ZBTB7C: variants seen among roughly 807,000 people sequenced by gnomAD.
The protein encoded by ZBTB7C is zinc finger and BTB domain-containing protein 7C.
ZBTB7C carries 8 observed loss-of-function variants against 25.7 expected under a neutral mutation model. That is an observed-to-expected ratio of 0.31 (90% CI 0.18 to 0.56). ZBTB7C has a LOEUF of 0.56. Ranked by LOEUF, ZBTB7C falls within the 20% of genes least tolerant of loss-of-function variation. The probability of loss-of-function intolerance (pLI) is 0.91; values close to 1 mark genes in which losing one functional copy is unlikely to be tolerated. For synonymous variants in ZBTB7C, 394 were observed against 369.0 expected (o/e 1.07, Z -0.78); for missense variants, 824 against 855.2 (o/e 0.96, Z 0.46).
chr18:48,061,591 A>T (rs1446585483), intron 3 of ZBTB7C, among the ~76,000 whole-genome samples: 1 of 152,238 alleles, frequency 6.6e-6, no homozygotes, highest in Non-Finnish European at 1.5e-5. Flanking sequence ...TTTCAAATGC[A>T]GACGGGATTG....
intron 2 of ZBTB7C, among the ~76,000 whole-genome samples, chr18:48,325,827 C>T (rs1304802447): frequency 6.6e-6 from 1 of 152,118 alleles, no homozygotes; most frequent in Non-Finnish European, 1.5e-5. Context: ...CTTAGTTCAC[C>T]AGCAACAGAT....
At chr18:48,202,879 C>T (rs2042488685) in intron 2 of ZBTB7C, among the ~76,000 whole-genome samples, 1 of 150,214 alleles carries the variant, frequency 6.7e-6, no homozygotes, top group African/African-American at 2.4e-5. Context: ...AGGAAGGGCT[C>T]AGGAGTTGGG....
intron 3 of ZBTB7C, among the ~76,000 whole-genome samples, chr18:48,085,356 C>A (rs1409259417): frequency 1.3e-5 from 2 of 152,160 alleles, no homozygotes; most frequent in Non-Finnish European, 1.5e-5. Flanking sequence ...CATTACCTCT[C>A]CCCCAGGAGA....
At chr18:48,188,489 G>A (rs78145165) in intron 2 of ZBTB7C, among the ~76,000 whole-genome samples, 11,531 of 152,198 alleles carry the variant, frequency 0.076, 693 homozygotes, top group Admixed American at 0.2. Flanking sequence ...ATCTCCCACT[G>A]GGTCCCTCCC....
chr18:48,174,492 T>C (rs2041604433), intron 3 of ZBTB7C, among the ~76,000 whole-genome samples: 1 of 152,212 alleles, frequency 6.6e-6, no homozygotes. Context: ...CACAACCCCA[T>C]GGAGGGGAAT....
chr18:48,029,436 C>T lies in ZBTB7C; in HGVS notation c.1684G>A (p.Ala562Thr), dbSNP rs549734487. The T allele has an allele frequency of 1.6e-5, 25 of 1,591,732 alleles. No homozygotes were observed. In the East Asian group the frequency reaches 3.9e-4, roughly 25 times the overall value. Residue 562 changes from alanine to threonine, a missense_variant, in exon 5 of 5, where the codon GCG (alanine) becomes ACG (threonine). Ala to Thr is a moderately conservative substitution (Grantham distance 58). Coordinates refer to ENST00000590800, the MANE Select transcript of ZBTB7C (RefSeq NM_001318841.2). ...EETQMKLFGR[A>T]QLEAERNAGG... ...GCGTTCCTCTCAGCCTCCAGCTGCG[C>T]GCGCCCGAACAGCTTCATCTGTGTC...
chr18:48,112,842 G>T (rs73956494), intron 3 of ZBTB7C, among the ~76,000 whole-genome samples: 12,029 of 152,192 alleles, frequency 0.079, 1,418 homozygotes, highest in African/African-American at 0.26. Flanking sequence ...GTGGGATTAC[G>T]TCCCTCTCTT....
At chr18:48,167,599 C>CGTGTGT (rs1259420820) in intron 3 of ZBTB7C, among the ~76,000 whole-genome samples, 1 of 92,692 alleles carries the variant, frequency 1.1e-5, no homozygotes, top group Non-Finnish European at 2.7e-5. Context: ...TGTGTGTGTG[C>CGTGTGT]GCGCGTGCAC....
chr18:48,037,017 T>C (rs1056372499), intron 4 of ZBTB7C, among the ~76,000 whole-genome samples: 4 of 151,432 alleles, frequency 2.6e-5, no homozygotes, highest in Admixed American at 2.0e-4. Context: ...GAGTGGGGAG[T>C]GTCCCACAAG....
At chr18:48,143,794 G>A (rs909514949) in intron 3 of ZBTB7C, among the ~76,000 whole-genome samples, 1 of 152,156 alleles carries the variant, frequency 6.6e-6, no homozygotes, top group Non-Finnish European at 1.5e-5. Context: ...TCAGTTCAGC[G>A]AGGATCCCCC....
At chr18:48,093,215 G>A (rs2038484875) in intron 3 of ZBTB7C, among the ~76,000 whole-genome samples, 1 of 152,352 alleles carries the variant, frequency 6.6e-6, no homozygotes, top group Non-Finnish European at 1.5e-5. Flanking sequence ...AGCCGTGGTG[G>A]AGATGCCACC....
At chr18:48,193,898 C>T (rs1599075309) in intron 2 of ZBTB7C, among the ~76,000 whole-genome samples, 1 of 152,222 alleles carries the variant, frequency 6.6e-6, no homozygotes, top group East Asian at 1.9e-4. Flanking sequence ...TCCCTGCCAC[C>T]TAGCCAGCAG....
intron 1 of ZBTB7C, among the ~76,000 whole-genome samples, chr18:48,367,373 A>ATATATATATAT (rs757386700): frequency 0.023 from 2,209 of 96,030 alleles, 72 homozygotes; most frequent in African/African-American, 0.06. Context: ...TATATATATA[A>ATATATATATAT]AATACAAACA....
At chr18:48,355,738 G>T (rs2046963736) in intron 1 of ZBTB7C, among the ~76,000 whole-genome samples, 1 of 152,328 alleles carries the variant, frequency 6.6e-6, no homozygotes, top group East Asian at 1.9e-4. Context: ...AGTCTCCCGT[G>T]CACCCCTGCA....
intron 3 of ZBTB7C, among the ~76,000 whole-genome samples, chr18:48,165,854 A>G (rs535168138): frequency 1.3e-5 from 2 of 152,326 alleles, no homozygotes; most frequent in Admixed American, 1.3e-4. Context: ...AGATGAGGAA[A>G]CTTGGGTAAA....
At chr18:48,187,074 T>C (rs1292705507) in intron 2 of ZBTB7C, among the ~76,000 whole-genome samples, 1 of 152,206 alleles carries the variant, frequency 6.6e-6, no homozygotes, top group Admixed American at 6.5e-5. Context: ...CAGAGGATAC[T>C]GTGCAGCTCT....
chr18:48,287,299 C>T (rs2045085840), intron 2 of ZBTB7C, among the ~76,000 whole-genome samples: 1 of 152,068 alleles, frequency 6.6e-6, no homozygotes, highest in African/African-American at 2.4e-5. Context: ...TAACTTTATG[C>T]CAATTTGTTA....
intron 2 of ZBTB7C, among the ~76,000 whole-genome samples, chr18:48,337,727 G>T (rs570214994): frequency 1.3e-5 from 2 of 152,186 alleles, no homozygotes; most frequent in African/African-American, 4.8e-5. Context: ...AGACCTAAAG[G>T]CTTCCCAACC....
At chr18:48,281,099 CCATCT>C (rs2044833502) in intron 2 of ZBTB7C, among the ~76,000 whole-genome samples, 1 of 152,070 alleles carries the variant, frequency 6.6e-6, no homozygotes, top group Non-Finnish European at 1.5e-5. Flanking sequence ...GGTGATTCAC[CCATCT>C]CAGCCTCCCA....
Sources: gnomAD v4.1 joint callset for allele counts (sites outside exome capture counted in the v4.1 genomes callset) on GRCh38, gnomAD v4.1.1 for gene constraint, MANE v1.5 for transcripts, NCBI Gene and HGNC (gene_info 2026-07-23, HGNC 2026-07-21) for gene names.